HAPLN1: variants seen among roughly 807,000 people sequenced by gnomAD.
HAPLN1 encodes hyaluronan and proteoglycan link protein 1.
A neutral mutation model predicts 36.5 loss-of-function variants in HAPLN1; 13 were observed. That is an observed-to-expected ratio of 0.36 (90% CI 0.23 to 0.57). The LOEUF (loss-of-function observed/expected upper bound fraction) is 0.57, where lower values mean the gene tolerates loss of function less well. HAPLN1 is among the 20% of genes least tolerant of loss of function. The probability of loss-of-function intolerance (pLI) is 0.83; values close to 1 mark genes in which losing one functional copy is unlikely to be tolerated. For synonymous variants in HAPLN1, 202 were observed against 169.8 expected, an observed-to-expected ratio of 1.19 and a Z score of -1.48; for missense variants, 407 against 439.7, an observed-to-expected ratio of 0.93 and a Z score of 0.66.
At chr5:83,676,175 CACAGAGATACGCACACATAT>C (rs70975517) in intron 1 of HAPLN1, among the ~76,000 whole-genome samples, 3,778 of 103,942 alleles carry the variant, frequency 0.036, 142 homozygotes, top group African/African-American at 0.099. Flanking sequence ...TGCACACATA[CACAGAGATACGCACACATAT>C]ACAGAGATAC....
intron 2 of HAPLN1, among the ~76,000 whole-genome samples, chr5:83,662,964 A>C (rs1010944457): frequency 2.6e-5 from 4 of 152,246 alleles, no homozygotes; most frequent in East Asian, 3.8e-4. Context: ...TGATTTTTTT[A>C]TCTAATAAAC....
intron 2 of HAPLN1, among the ~76,000 whole-genome samples, chr5:83,659,260 C>T (rs914876840): frequency 4.7e-5 from 7 of 147,882 alleles, no homozygotes; most frequent in African/African-American, 1.5e-4. Context: ...GGTGACAGAG[C>T]GAGACTTCAT....
In HAPLN1 at chr5:83,640,455, A is replaced by G. The variant is rs1749650444; in HGVS notation, c.*1041T>C. 1 of 152,160 alleles carries G rather than the reference A, an allele frequency of 6.6e-6. No homozygotes were observed. The highest frequency in any genetic ancestry group is 6.5e-5 in the Admixed American group (1 of 15,276). 9.4% of individuals were successfully genotyped at this position (152,160 alleles called of 1,614,324 possible). The stretch of plus-strand genomic sequence containing the variant: ...GCACTGGTTGGGTTCTCTCGTGTAT[A>G]TACAAATAGGAATAATAAGAATTTT... On this transcript the variant is annotated 3_prime_UTR_variant, in exon 5 of 5. Coordinates refer to ENST00000274341, the MANE Select transcript of HAPLN1 (RefSeq NM_001884.4).
At chr5:83,690,500 A>G (rs1415078884) in intron 1 of HAPLN1, among the ~76,000 whole-genome samples, 3 of 152,102 alleles carry the variant, frequency 2.0e-5, no homozygotes, top group African/African-American at 7.2e-5. Flanking sequence ...TCTTTGAGAA[A>G]TATGTTGGAA....
intron 1 of HAPLN1, among the ~76,000 whole-genome samples, chr5:83,692,888 G>C (rs1010486665): frequency 1.3e-5 from 2 of 151,794 alleles, no homozygotes; most frequent in African/African-American, 2.4e-5. Context: ...TCATTGGAAG[G>C]TTCTTATATT....
intron 1 of HAPLN1, among the ~76,000 whole-genome samples, chr5:83,688,573 C>T (rs1364941026): frequency 6.7e-6 from 1 of 150,254 alleles, no homozygotes; most frequent in Non-Finnish European, 1.5e-5. Context: ...GGATGTTGAC[C>T]TCTTTTGTGG....
intron 1 of HAPLN1, among the ~76,000 whole-genome samples, chr5:83,701,927 AACAC>A (rs112813015): frequency 0.29 from 42,044 of 143,798 alleles, 6,252 homozygotes; most frequent in East Asian, 0.39. Flanking sequence ...CTTCGACAAA[AACAC>A]ACACACACAC....
At chr5:83,701,666 G>T (rs1751509154) in intron 1 of HAPLN1, among the ~76,000 whole-genome samples, 1 of 152,174 alleles carries the variant, frequency 6.6e-6, no homozygotes, top group African/African-American at 2.4e-5. Flanking sequence ...GGCGGGGCAC[G>T]GTGACTCACG....
chr5:83,639,088 T>A lies in HAPLN1; in HGVS notation c.*2408A>T, dbSNP rs1383512267. 6.6e-6 allele frequency: 1 copy of A among 152,022 alleles called. No homozygotes were observed. The highest frequency in any genetic ancestry group is 1.5e-5 in the Non-Finnish European group (1 of 67,902). The allele number at this position is 152,022 out of a possible 1,614,324, so 9.4% of individuals were successfully genotyped here. On this transcript the variant is annotated 3_prime_UTR_variant, in exon 5 of 5. Transcript: ENST00000274341. Reference sequence around the variant, plus strand: ...AGGAATTGTATTAGAATAACCTTTCTTTTTCAGACCTGCTCAGTGAGACAT... The same window carrying A: ...AGGAATTGTATTAGAATAACCTTTCATTTTCAGACCTGCTCAGTGAGACAT...
intron 2 of HAPLN1, among the ~76,000 whole-genome samples, chr5:83,665,220 T>C (rs1205728215): frequency 6.6e-6 from 1 of 152,222 alleles, no homozygotes; most frequent in Non-Finnish European, 1.5e-5. Flanking sequence ...AAAGTGTTCA[T>C]TATTTTTTGC....
At chr5:83,705,445 A>G (rs571598458) in intron 1 of HAPLN1, among the ~76,000 whole-genome samples, 202 of 151,994 alleles carry the variant, frequency 1.3e-3, no homozygotes, top group South Asian at 6.0e-3. Flanking sequence ...ACGGAATTAC[A>G]TGGAAATTAA....
rs180752541 is a variant in HAPLN1 at position 83,679,455 on chromosome 5, A to G, written c.-26-5906T>C. Among the ~76,000 whole-genome samples the G allele has an allele frequency of 5.3e-5, 8 of 152,082 alleles. No homozygotes were observed. The East Asian group carries it at 1.4e-3, about 26-fold the overall frequency. On this transcript the variant is annotated intron_variant, in intron 1 of 4. Coordinates refer to ENST00000274341, the MANE Select transcript of HAPLN1 (RefSeq NM_001884.4). ...ATCCTGTTTTTCCCCTAACTTTTCT[A>G]TTCTCTTTCTAACCTTTCTCTGTTT... is the stretch of plus-strand genomic sequence containing the variant.
intron 1 of HAPLN1, among the ~76,000 whole-genome samples, chr5:83,696,807 A>T (rs1472905544): frequency 2.0e-5 from 3 of 152,160 alleles, no homozygotes; most frequent in Non-Finnish European, 2.9e-5. Flanking sequence ...CATGCTCATC[A>T]GTCACTTACA....
Position 83,640,538 on chromosome 5 carries a change from A to T in HAPLN1, c.*958T>A, listed in dbSNP as rs1749652990. On this transcript the variant is annotated 3_prime_UTR_variant, in exon 5 of 5. Coordinates refer to ENST00000274341, the MANE Select transcript of HAPLN1 (RefSeq NM_001884.4). ...TCCTTTTATAATGTAATTGATTTTC[A>T]TATAATGTAAATATGAAATATTAAA... is the stretch of plus-strand genomic sequence containing the variant. 1 of 152,210 alleles carries T rather than the reference A, an allele frequency of 6.6e-6. No homozygotes were observed. Among genetic ancestry groups the T allele is most frequent in the South Asian group, 2.1e-4 (1 of 4,832 alleles). 9.4% of individuals were successfully genotyped at this position (152,210 alleles called of 1,614,324 possible).
intron 1 of HAPLN1, among the ~76,000 whole-genome samples, chr5:83,678,975 T>C (rs1436756240): frequency 6.6e-6 from 1 of 152,136 alleles, no homozygotes; most frequent in African/African-American, 2.4e-5. Flanking sequence ...TTTGGCAGGG[T>C]GTGGAGAAAA....
intron 1 of HAPLN1, chr5:83,682,553 T>C (rs1011228855): frequency 2.6e-5 from 4 of 152,198 alleles, no homozygotes; most frequent in Non-Finnish European, 4.4e-5. Flanking sequence ...CTCATCTCCG[T>C]TGGCTGAGTC....
chr5:83,714,978 C>T (rs1417109287), intron 1 of HAPLN1, among the ~76,000 whole-genome samples: 1 of 152,170 alleles, frequency 6.6e-6, no homozygotes, highest in Non-Finnish European at 1.5e-5. Context: ...GGTGGAAGAA[C>T]AGGTTGATCA....
intron 2 of HAPLN1, among the ~76,000 whole-genome samples, chr5:83,657,856 A>G (rs1750265817): frequency 1.3e-5 from 2 of 152,102 alleles, no homozygotes; most frequent in Admixed American, 1.3e-4. Context: ...GCTAAATAAG[A>G]ACATTAAAAA....
chr5:83,672,213 A>G (rs889026217), intron 2 of HAPLN1, among the ~76,000 whole-genome samples: 2 of 152,192 alleles, frequency 1.3e-5, no homozygotes, highest in African/African-American at 4.8e-5. Context: ...AGGTATTACT[A>G]TTTTGGCTGA....
Sources: gnomAD v4.1 joint callset for allele counts (sites outside exome capture counted in the v4.1 genomes callset) on GRCh38, gnomAD v4.1.1 for gene constraint, MANE v1.5 for transcripts, NCBI Gene and HGNC (gene_info 2026-07-23, HGNC 2026-07-21) for gene names.